PLEKHH1: variants seen among roughly 807,000 people sequenced by gnomAD.
PLEKHH1 encodes pleckstrin homology, MyTH4 and FERM domain containing H1.
A neutral mutation model predicts 160.0 loss-of-function variants in PLEKHH1; 104 were observed. That is an observed-to-expected ratio of 0.65 (90% CI 0.55 to 0.76). The LOEUF (loss-of-function observed/expected upper bound fraction) is 0.76, where lower values mean the gene tolerates loss of function less well. Among genes scored for constraint, PLEKHH1 ranks in the 30% least tolerant of loss-of-function variants. The pLI, the probability that PLEKHH1 is intolerant of heterozygous loss-of-function variation, is 0.00. For missense variants in PLEKHH1, 1,427 were observed against 1,724.1 expected (o/e 0.83, Z 3.05); for synonymous variants, 619 against 678.4 (o/e 0.91, Z 1.36).
chr14:67,559,473 A>G (rs2034733159), intron 4 of PLEKHH1, 135 bp from the exon 5 acceptor site: 1 of 623,864 alleles, frequency 1.6e-6, no homozygotes, highest in South Asian at 1.9e-5. Flanking sequence ...ATAATATTTC[A>G]ACAAACGATT....
In PLEKHH1 at chr14:67,562,021, A is replaced by G. The variant is rs766204068; in HGVS notation, c.491A>G (p.Gln164Arg). The G allele has an allele frequency of 4.3e-6, 7 of 1,613,438 alleles. No individual in the cohort carries two copies. In the South Asian group the frequency reaches 7.7e-5, roughly 18 times the overall value. Reference sequence around the variant, plus strand: ...CTGGTGGAGCAGGTGGGATCCCTTCAAGATGCGCTAGAAGGTAGGCAGGCC... The same window carrying G: ...CTGGTGGAGCAGGTGGGATCCCTTCGAGATGCGCTAGAAGGTAGGCAGGCC... ...QRLVEQVGSLQDALEAIQIAP... is the reference protein window; with the variant it reads ...QRLVEQVGSLRDALEAIQIAP... The change falls in exon 6 of 29, where the codon CAA (glutamine) becomes CGA (arginine). Residue 164 changes from glutamine (Q) to arginine (R), a missense_variant. Gln to Arg is a conservative substitution (Grantham distance 43, BLOSUM62 1). Transcript: ENST00000329153.
chr14:67,545,537 CA>C (rs1393626289), intron 2 of PLEKHH1, among the ~76,000 whole-genome samples: 1 of 151,702 alleles, frequency 6.6e-6, no homozygotes, highest in African/African-American at 2.4e-5. Context: ...AATAATATAT[CA>C]AAAAAAGGAG....
intron 18 of PLEKHH1, among the ~76,000 whole-genome samples, chr14:67,577,770 TG>T (rs1289749366): frequency 1.3e-5 from 2 of 151,794 alleles, no homozygotes; most frequent in South Asian, 2.1e-4. Context: ...TTTTTGTTTT[TG>T]TTTTTTTTAA....
rs139789844 is a variant in PLEKHH1 at position 67,574,473 on chromosome 14, C to T, written c.2088+70C>T. On this transcript the variant is annotated intron_variant, in intron 14 of 28. Transcript: ENST00000329153. The surrounding 1 kb of genome is among the most constrained non-coding windows in gnomAD (Gnocchi z 4.2). ...ATCAGGGGAGCCAGGATTGGGGTGCCGAGGGTGGTGGGTTCCCCCTTATAC... is the reference window on the plus strand; with the variant it reads ...ATCAGGGGAGCCAGGATTGGGGTGCTGAGGGTGGTGGGTTCCCCCTTATAC... 2.2e-5 allele frequency: 28 copies of T among 1,290,302 alleles called. No homozygotes were observed. The highest frequency in any genetic ancestry group is 3.2e-5 in the Admixed American group (1 of 31,418). 79.9% of individuals were successfully genotyped at this position (1,290,302 alleles called of 1,614,324 possible).
In PLEKHH1 at chr14:67,582,922, T is replaced by C. The variant is rs1028837695; in HGVS notation, c.3426+712T>C. ...TAAGTATGATACCTGGATAATTGTA[T>C]CATGTAATGTATGTGGTAAACTTCA... On this transcript the variant is annotated intron_variant, in intron 24 of 28. Coordinates refer to ENST00000329153, the MANE Select transcript of PLEKHH1 (RefSeq NM_020715.3). This position sits in a 1 kb window ranked among gnomAD's most constrained non-coding sequence, Gnocchi z 5.0. Among the ~76,000 whole-genome samples the C allele has an allele frequency of 9.9e-5, 15 of 152,280 alleles. No individual in the cohort carries two copies. In the East Asian group the frequency reaches 1.3e-3, roughly 14 times the overall value.
chr14:67,585,788 C>T (rs866662829), intron 27 of PLEKHH1, 134 bp downstream of exon 27: 10 of 1,008,922 alleles, frequency 9.9e-6, no homozygotes, highest in African/African-American at 8.0e-5. Context: ...AGCACCAGTC[C>T]TCTAGTCTAG....
At chr14:67,581,142 C>T (rs2035876259) in intron 23 of PLEKHH1, 104 bp downstream of exon 23, 2 of 737,564 alleles carry the variant, frequency 2.7e-6, no homozygotes, top group Non-Finnish European at 4.9e-6. Flanking sequence ...GGGGAGGGAC[C>T]CACAGATATA....
Position 67,578,273 on chromosome 14 carries a change from G to A in PLEKHH1, c.2751+74G>A, listed in dbSNP as rs2035720906. 7.3e-7 allele frequency: 1 copy of A among 1,372,716 alleles called. No homozygotes were observed. Among genetic ancestry groups the A allele is most frequent in the African/African-American group, 1.4e-5 (1 of 70,768 alleles). 85.0% of individuals were successfully genotyped at this position (1,372,716 alleles called of 1,614,324 possible). A position where few individuals can be genotyped will look rare whatever the true frequency, so the allele number is the denominator to read the frequency against. On this transcript the variant is annotated intron_variant, in intron 19 of 28. Coordinates refer to ENST00000329153, the MANE Select transcript of PLEKHH1 (RefSeq NM_020715.3). The surrounding 1 kb of genome is among the most constrained non-coding windows in gnomAD (Gnocchi z 5.0). ...TGCCAGGTGGGAAAGGTGGGAGGAG[G>A]TGACTGGGCAGGTATACGGTGAGCC...
chr14:67,587,235 A>C lies in PLEKHH1; in HGVS notation c.4095A>C (p.Ter1365CysextTer44), dbSNP rs372841134. 1 of 1,613,540 alleles carries C rather than the reference A, an allele frequency of 6.2e-7. No individual in the cohort carries two copies. The highest frequency in any genetic ancestry group is 8.5e-7 in the Non-Finnish European group (1 of 1,179,720). Residue 1365 changes from the stop codon to cysteine, a stop_lost, in exon 29 of 29, where the codon TGA becomes TGC. Transcript: ENST00000329153. ...SCATKGPTLL[*>C] ...CTACCAAGGGGCCAACGTTGCTGTG[A>C]ATATTTCTCCTACCCGATTCCCCAA...
intron 7 of PLEKHH1, among the ~76,000 whole-genome samples, chr14:67,567,351 C>T (rs1275647312): frequency 1.3e-5 from 2 of 152,146 alleles, no homozygotes; most frequent in Non-Finnish European, 2.9e-5. Flanking sequence ...CTTAAAACAA[C>T]CTTGTGAGTT....
intron 22 of PLEKHH1, among the ~76,000 whole-genome samples, chr14:67,580,531 C>T (rs2035845698): frequency 6.6e-6 from 1 of 152,236 alleles, no homozygotes; most frequent in Non-Finnish European, 1.5e-5. Context: ...AAAAACTATG[C>T]CACATACCTT....
chr14:67,586,339 C>T (rs2036160696), intron 28 of PLEKHH1: 1 of 1,422,350 alleles, frequency 7.0e-7, no homozygotes. Context: ...CTATTATGCT[C>T]TTCACTTTTT....
chr14:67,579,987 G>A (rs1407079393), intron 22 of PLEKHH1, 111 bp downstream of exon 22: 2 of 1,039,662 alleles, frequency 1.9e-6, no homozygotes, highest in Non-Finnish European at 2.8e-6. Flanking sequence ...ATTTGGTGCT[G>A]AGCCCAAGGT....
intron 1 of PLEKHH1, among the ~76,000 whole-genome samples, chr14:67,539,798 C>T (rs1285039076): frequency 6.6e-6 from 1 of 152,188 alleles, no homozygotes; most frequent in Non-Finnish European, 1.5e-5. Context: ...TTCTCTGTTC[C>T]TCAGTGTCCT....
rs781684505 is a variant in PLEKHH1, at chr14:67,575,869, T to C, written c.2216T>C (p.Val739Ala). ...GTGCGGGATGCGCACATAGAGGAAG[T>C]AGATCGATCCTGTGACTCAGACGAG... ...LPVRDAHIEE[V>A]DRSCDSDEDY... Residue 739 changes from valine (V) to alanine (A), a missense_variant, in exon 16 of 29, where the codon GTA becomes GCA. Around this residue, in one of 6 missense-constraint regions of PLEKHH1, gnomAD observed 831 missense variants for 929.2 expected, o/e 0.89. Coordinates refer to ENST00000329153, the MANE Select transcript of PLEKHH1 (RefSeq NM_020715.3). 9.3e-6 allele frequency: 15 copies of C among 1,613,826 alleles called. No homozygotes were observed. The highest frequency in any genetic ancestry group is 1.3e-5 in the Non-Finnish European group (15 of 1,179,862).
Position 67,541,990 on chromosome 14 carries a change from C to T in PLEKHH1, c.123C>T (p.Asp41=). ...QASKIRELLA[D]KMQELEQRLL... is the part of the protein sequence containing the mutation. ...GCAAGATAAGGGAGCTGCTGGCTGACAAGGTGAGTCCCTCAGAGCAGGGAG... is the reference window on the plus strand; with the variant it reads ...GCAAGATAAGGGAGCTGCTGGCTGATAAGGTGAGTCCCTCAGAGCAGGGAG... The change falls in exon 2 of 29, where the codon GAC becomes GAT. Residue 41 remains aspartate, a synonymous_variant. Transcript: ENST00000329153. The T allele has an allele frequency of 1.2e-6, 2 of 1,603,908 alleles. No homozygotes were observed. The highest frequency in any genetic ancestry group is 2.3e-5 in the South Asian group (2 of 88,800).
intron 2 of PLEKHH1, among the ~76,000 whole-genome samples, chr14:67,554,920 AATTTTTTTTT>A (rs1027380914): frequency 5.8e-4 from 88 of 151,924 alleles, no homozygotes; most frequent in Non-Finnish European, 7.6e-4. Flanking sequence ...TACTTTTTTA[AATTTTTTTTT>A]GAGACAGGAC....
At chr14:67,586,580 C>A in intron 28 of PLEKHH1, 1 of 498,724 alleles carries the variant, frequency 2.0e-6, no homozygotes, top group South Asian at 1.6e-5. Flanking sequence ...GCTTTAGTGA[C>A]TTTGTTCCTA....
At position 67,574,223 on chromosome 14, in the gene PLEKHH1, C is replaced by A. The variant is rs2035517295; in HGVS notation, c.1927-19C>A. ...TTCTCCCAGCGTGCTGCCCCACCCC[C>A]ATATCTCGCCCTCCACAGCTCATCT... On this transcript the variant is annotated intron_variant, in intron 13 of 28. Coordinates refer to ENST00000329153, the MANE Select transcript of PLEKHH1 (RefSeq NM_020715.3). The surrounding 1 kb of genome is among the most constrained non-coding windows in gnomAD (Gnocchi z 4.2). 1 of 1,573,504 alleles carries A rather than the reference C, an allele frequency of 6.4e-7. No homozygotes were observed. Among genetic ancestry groups the A allele is most frequent in the African/African-American group, 1.4e-5 (1 of 73,894 alleles).
Sources: gnomAD v4.1 joint callset for allele counts (sites outside exome capture counted in the v4.1 genomes callset) on GRCh38, gnomAD v4.1.1 for gene constraint, gnomAD v4.1.1 regional missense constraint, Gnocchi (gnomAD v3.1) non-coding constraint, MANE v1.5 for transcripts, NCBI Gene and HGNC (gene_info 2026-07-23, HGNC 2026-07-21) for gene names.